Variants in PLEKHA7 observed in about 807,000 individuals in gnomAD.
The protein encoded by PLEKHA7 is pleckstrin homology domain containing A7.
In PLEKHA7, 104 loss-of-function variants were observed where a neutral mutation model predicts 170.0. The observed-to-expected ratio is 0.61, with a 90% confidence interval of 0.52 to 0.72. The LOEUF is 0.72. PLEKHA7 is among the 30% of genes least tolerant of loss of function. The pLI is 0.00. For synonymous variants in PLEKHA7, 648 were observed against 660.8 expected (o/e 0.98, Z 0.30); for missense variants, 1,615 against 1,671.7 (o/e 0.97, Z 0.59).
At chr11:16,856,592 C>T (rs1245488422) in intron 4 of PLEKHA7, among the ~76,000 whole-genome samples, 1 of 152,196 alleles carries the variant, frequency 6.6e-6, no homozygotes, top group Non-Finnish European at 1.5e-5. Flanking sequence ...ATCAGCATCC[C>T]AGAAACATGG....
intron 3 of PLEKHA7, among the ~76,000 whole-genome samples, chr11:17,012,823 A>G (rs1590853289): frequency 6.6e-6 from 1 of 152,248 alleles, no homozygotes; most frequent in East Asian, 1.9e-4. Context: ...TCACATACAC[A>G]CATATGAGGC....
intron 3 of PLEKHA7, among the ~76,000 whole-genome samples, chr11:16,876,441 A>G (rs1435555153): frequency 6.6e-6 from 1 of 152,244 alleles, no homozygotes; most frequent in Non-Finnish European, 1.5e-5. Context: ...TCCTCCCAGA[A>G]GCAGCCCCTT....
chr11:16,874,305 G>A (rs1855108965), intron 3 of PLEKHA7, among the ~76,000 whole-genome samples: 1 of 152,098 alleles, frequency 6.6e-6, no homozygotes, highest in African/African-American at 2.4e-5. Context: ...CCAGGAGTTT[G>A]AGTTCAACCT....
intron 8 of PLEKHA7, among the ~76,000 whole-genome samples, chr11:16,850,811 A>C (rs1402852592): frequency 6.6e-6 from 1 of 152,218 alleles, no homozygotes; most frequent in African/African-American, 2.4e-5. Flanking sequence ...CTTCAATGTG[A>C]GTTTTCATAA....
intron 3 of PLEKHA7, among the ~76,000 whole-genome samples, chr11:16,882,038 C>T (rs1054573944): frequency 1.3e-5 from 2 of 152,176 alleles, no homozygotes; most frequent in Non-Finnish European, 2.9e-5. Flanking sequence ...TTGCAAGCTA[C>T]GTAGTTCTAC....
intron 4 of PLEKHA7, among the ~76,000 whole-genome samples, chr11:16,865,977 A>G (rs1322309944): frequency 1.3e-5 from 2 of 151,616 alleles, no homozygotes; most frequent in Non-Finnish European, 1.5e-5. Context: ...AGCTGGGATT[A>G]CAGGTGTGCG....
intron 2 of PLEKHA7, 25 bp downstream of exon 2, chr11:17,014,100 C>T: frequency 1.3e-6 from 2 of 1,589,720 alleles, no homozygotes; most frequent in Non-Finnish European, 1.7e-6. Context: ...TGCGCGCGCC[C>T]CCCACCCGCC....
chr11:16,813,308 G>A, intron 12 of PLEKHA7, 142 bp from the exon 13 acceptor site: 1 of 585,552 alleles, frequency 1.7e-6, no homozygotes. Context: ...GGGCCACAGA[G>A]GAAGCACAAA....
At chr11:16,927,701 C>G (rs1301718683) in intron 3 of PLEKHA7, among the ~76,000 whole-genome samples, 1 of 152,234 alleles carries the variant, frequency 6.6e-6, no homozygotes, top group Non-Finnish European at 1.5e-5. Context: ...AATTAAAAGG[C>G]TTTAAAATGC....
At chr11:16,820,176 T>C (rs1850095994) in intron 10 of PLEKHA7, among the ~76,000 whole-genome samples, 1 of 152,218 alleles carries the variant, frequency 6.6e-6, no homozygotes, top group South Asian at 2.1e-4. Context: ...TAACAAGCCC[T>C]CCAGGAGATT....
At chr11:16,954,797 TCTC>T (rs1861606855) in intron 3 of PLEKHA7, among the ~76,000 whole-genome samples, 1 of 151,752 alleles carries the variant, frequency 6.6e-6, no homozygotes, top group African/African-American at 2.4e-5. Context: ...TTCAAGCAAT[TCTC>T]CTGCTTCAGC....
intron 9 of PLEKHA7, among the ~76,000 whole-genome samples, chr11:16,836,529 T>C (rs755104951): frequency 2.0e-4 from 31 of 152,360 alleles, no homozygotes; most frequent in African/African-American, 6.5e-4. Context: ...ATGCTACTGT[T>C]GGGGCCACCC....
intron 9 of PLEKHA7, among the ~76,000 whole-genome samples, chr11:16,840,668 G>C (rs1851879404): frequency 6.6e-6 from 1 of 152,178 alleles, no homozygotes; most frequent in African/African-American, 2.4e-5. Context: ...AAAATGCTCA[G>C]ACTGAAGTGC....
At chr11:16,940,356 G>A (rs2136401514) in intron 3 of PLEKHA7, among the ~76,000 whole-genome samples, 1 of 143,030 alleles carries the variant, frequency 7.0e-6, no homozygotes, top group East Asian at 2.1e-4. Flanking sequence ...GGCGTGATCT[G>A]GGCTCACTGA....
chr11:16,840,749 A>G (rs1851885420), intron 9 of PLEKHA7, among the ~76,000 whole-genome samples: 2 of 152,126 alleles, frequency 1.3e-5, no homozygotes, highest in African/African-American at 4.8e-5. Flanking sequence ...TTATAGCTGT[A>G]TTTATATTTA....
At chr11:16,868,343 T>TTC (rs2135623198) in intron 4 of PLEKHA7, among the ~76,000 whole-genome samples, 1 of 152,320 alleles carries the variant, frequency 6.6e-6, no homozygotes, top group African/African-American at 2.4e-5. Context: ...TTCACATTAT[T>TTC]TCTCTTCTCC....
chr11:16,972,780 G>C (rs139280626), intron 3 of PLEKHA7, among the ~76,000 whole-genome samples: 214 of 152,242 alleles, frequency 1.4e-3, no homozygotes, highest in African/African-American at 4.9e-3. Flanking sequence ...AACATAAATA[G>C]CCATTAACTT....
intron 9 of PLEKHA7, among the ~76,000 whole-genome samples, chr11:16,838,693 C>CT (rs869209891): frequency 0.084 from 9,097 of 107,796 alleles, 709 homozygotes; most frequent in Middle Eastern, 0.13. Flanking sequence ...ACACAGTTTT[C>CT]TTTTTTTTTT....
chr11:16,903,758 C>A (rs1465569677), intron 3 of PLEKHA7, among the ~76,000 whole-genome samples: 1 of 152,310 alleles, frequency 6.6e-6, no homozygotes, highest in African/African-American at 2.4e-5. Context: ...CAAAGAAATT[C>A]TATTTGCCCA....
Sources: gnomAD v4.1 joint callset for allele counts (sites outside exome capture counted in the v4.1 genomes callset) on GRCh38, gnomAD v4.1.1 for gene constraint, MANE v1.5 for transcripts, NCBI Gene and HGNC (gene_info 2026-07-23, HGNC 2026-07-21) for gene names.